TRMT61B: variants seen among roughly 807,000 people sequenced by gnomAD.
TRMT61B encodes tRNA (adenine(58)-N(1))-methyltransferase, mitochondrial.
Under a neutral mutation model 52.0 loss-of-function variants are expected in TRMT61B, and 56 were observed. That is an observed-to-expected ratio of 1.08 (90% CI 0.87 to 1.35). The LOEUF (loss-of-function observed/expected upper bound fraction) is 1.35. Among genes scored for constraint, TRMT61B ranks in the 40% most tolerant of loss-of-function variants. The pLI, the probability that TRMT61B is intolerant of heterozygous loss-of-function variation, is 0.00. For missense variants in TRMT61B, 650 were observed against 577.9 expected, an observed-to-expected ratio of 1.12 and a Z score of -1.28; for synonymous variants, 206 against 220.0, an observed-to-expected ratio of 0.94 and a Z score of 0.56.
At chr2:28,858,104 C>G (rs1013629683) in intron 3 of TRMT61B, among the ~76,000 whole-genome samples, 2 of 150,884 alleles carry the variant, frequency 1.3e-5, no homozygotes, top group Admixed American at 6.6e-5. Context: ...GCAGTGGCGC[C>G]ATCTCGGCTC....
At chr2:28,858,815 A>AAAAAG (rs1669465613) in intron 3 of TRMT61B, among the ~76,000 whole-genome samples, 2 of 150,442 alleles carry the variant, frequency 1.3e-5, no homozygotes, top group Non-Finnish European at 3.0e-5. Context: ...AAAAAAAAAA[A>AAAAAG]AAAAGAAAAG....
Position 28,850,035 on chromosome 2 carries a change from C to A in TRMT61B, c.*164G>T. On this transcript the variant is annotated 3_prime_UTR_variant, in exon 7 of 7. Coordinates refer to ENST00000306108, the MANE Select transcript of TRMT61B (RefSeq NM_017910.4). ...AAAATGGGATGTTTAAGCAGTTTTG[C>A]TATGTTATACATCTTTTAGTTGTTA... is the stretch of plus-strand genomic sequence containing the variant. 8.4e-7 allele frequency: 1 copy of A among 1,185,846 alleles called. No homozygotes were observed. The highest frequency in any genetic ancestry group is 2.4e-5 in the East Asian group (1 of 42,072). 73.5% of individuals were successfully genotyped at this position (1,185,846 alleles called of 1,614,324 possible). A position where few individuals can be genotyped will look rare whatever the true frequency, so the allele number is the denominator to read the frequency against.
At position 28,865,263 on chromosome 2, in the gene TRMT61B, TTGA is replaced by T. The variant is rs950063402; in HGVS notation, c.700-147_700-145del. 410 of 555,392 alleles carry T rather than the reference TTGA, an allele frequency of 7.4e-4. 2 individuals are homozygous for T. Among genetic ancestry groups the T allele is most frequent in the Non-Finnish European group, 1.2e-3 (369 of 310,510 alleles). 34.4% of individuals were successfully genotyped at this position (555,392 alleles called of 1,614,324 possible). The stretch of plus-strand genomic sequence containing the variant: ...GACCTGCCTTCAGTTTATATTTCAC[TTGA>T]TGAAATAAAAGAGATCCAAGAATCA... On this transcript the variant is annotated intron_variant, in intron 1 of 6. Transcript: ENST00000306108.
chr2:28,865,086 T>G lies in TRMT61B; in HGVS notation c.733A>C (p.Asn245His), dbSNP rs756353252. ...GCTTCCAAAACAGTATCACCTGGGTTGATATCCATCATTGAGAGAATCATA... is the reference window on the plus strand; with the variant it reads ...GCTTCCAAAACAGTATCACCTGGGTGGATATCCATCATTGAGAGAATCATA... ...INMILSMMDI[N>H]PGDTVLEAGS... The change falls in exon 2 of 7, where the codon AAC (asparagine) becomes CAC (histidine). Residue 245 changes from asparagine to histidine, a missense_variant. Physicochemically the swap from Asn to His is moderately conservative, Grantham distance 68 (BLOSUM62 1). Coordinates refer to ENST00000306108, the MANE Select transcript of TRMT61B (RefSeq NM_017910.4). 2 of 1,612,488 alleles carry G rather than the reference T, an allele frequency of 1.2e-6. No homozygotes were observed. The highest frequency in any genetic ancestry group is 1.7e-6 in the Non-Finnish European group (2 of 1,178,626).
Position 28,849,928 on chromosome 2 carries a change from G to C in TRMT61B, c.*271C>G. 1.3e-6 allele frequency: 2 copies of C among 1,590,452 alleles called. No homozygotes were observed. The highest frequency in any genetic ancestry group is 4.5e-5 in the East Asian group (2 of 44,504). The stretch of plus-strand genomic sequence containing the variant: ...GACAAATCTATGGAGTGGTTTACAG[G>C]AAGTGAAGAATGAGATGGCCCAACT... On this transcript the variant is annotated 3_prime_UTR_variant, in exon 7 of 7. Transcript: ENST00000306108.
intron 3 of TRMT61B, among the ~76,000 whole-genome samples, chr2:28,857,202 G>A (rs1408225349): frequency 1.3e-5 from 2 of 152,028 alleles, no homozygotes. Flanking sequence ...CCAAAGTGCT[G>A]GGATTACGGC....
Position 28,869,880 on chromosome 2 carries a change from T to G in TRMT61B, c.398A>C (p.Glu133Ala). 1 of 1,614,132 alleles carries G rather than the reference T, an allele frequency of 6.2e-7. No individual in the cohort carries two copies. The highest frequency in any genetic ancestry group is 1.1e-5 in the South Asian group (1 of 91,084). ...SMLSQAQSAT[E>A]VEERHVSPSC... ...AGGGGAGACGTGACGCTCTTCGACC[T>G]CGGTAGCGGACTGGGCCTGCGAGAG... is the stretch of plus-strand genomic sequence containing the variant. The change falls in exon 1 of 7, where the codon GAG (glutamate) becomes GCG (alanine). Residue 133 changes from glutamate (E) to alanine (A), a missense_variant. By Grantham distance (107) the Glu-to-Ala change is moderately radical (BLOSUM62 -1). Coordinates refer to ENST00000306108, the MANE Select transcript of TRMT61B (RefSeq NM_017910.4).
intron 1 of TRMT61B, among the ~76,000 whole-genome samples, chr2:28,866,070 A>G (rs139384900): frequency 0.014 from 2,067 of 151,464 alleles, 62 homozygotes; most frequent in African/African-American, 0.048. Flanking sequence ...GCTCACTGCA[A>G]GCTCCGCCTC....
chr2:28,864,821 T>C (rs994528146), intron 2 of TRMT61B, among the ~76,000 whole-genome samples, 196 bp downstream of exon 2: 5 of 151,690 alleles, frequency 3.3e-5, no homozygotes, highest in African/African-American at 9.7e-5. Flanking sequence ...GCAAAGAAAA[T>C]TGAGGGAGGA....
intron 2 of TRMT61B, 72 bp from the exon 3 acceptor site, chr2:28,861,380 C>G: frequency 8.1e-7 from 1 of 1,229,462 alleles, no homozygotes; most frequent in Non-Finnish European, 1.1e-6. Flanking sequence ...ATGTATTTTG[C>G]AAAGGTACTA....
Position 28,870,237 on chromosome 2 carries a change from A to AG in TRMT61B, c.40dup (p.Leu14ProfsTer32), listed in dbSNP as rs1265382732. The stretch of plus-strand genomic sequence containing the variant: ...TGAATTGGTTCCGAGCCCCTGCCGC[A>AG]GGCACAGCAAGACAGGACCGCGGCA... On this transcript the variant is annotated frameshift_variant, in exon 1 of 7. Transcript: ENST00000306108. LOFTEE classifies it high-confidence loss of function. 1.9e-6 allele frequency: 3 copies of AG among 1,608,618 alleles called. No individual in the cohort carries two copies. The African/African-American group carries it at 4.0e-5, about 21-fold the overall frequency.
At chr2:28,866,358 G>C (rs1348803587) in intron 1 of TRMT61B, among the ~76,000 whole-genome samples, 1 of 152,214 alleles carries the variant, frequency 6.6e-6, no homozygotes, top group African/African-American at 2.4e-5. Flanking sequence ...TTGGGCACTA[G>C]GGACCCGTTT....
Position 28,869,857 on chromosome 2 carries a change from G to C in TRMT61B, c.421C>G (p.Pro141Ala). Residue 141 changes from proline to alanine, a missense_variant, in exon 1 of 7, where the codon CCT becomes GCT. Pro to Ala is a conservative substitution (Grantham distance 27). Coordinates refer to ENST00000306108, the MANE Select transcript of TRMT61B (RefSeq NM_017910.4). ...ATEVEERHVS[P>A]SCSTSRERPF... Reference sequence around the variant, plus strand: ...CTCTCTCTGGAAGTTGAACAAGAAGGGGAGACGTGACGCTCTTCGACCTCG... The same window carrying C: ...CTCTCTCTGGAAGTTGAACAAGAAGCGGAGACGTGACGCTCTTCGACCTCG... The C allele has an allele frequency of 6.2e-7, 1 of 1,614,168 alleles. No individual in the cohort carries two copies. Among genetic ancestry groups the C allele is most frequent in the Non-Finnish European group, 8.5e-7 (1 of 1,180,020 alleles).
chr2:28,858,810 A>AG, intron 3 of TRMT61B, among the ~76,000 whole-genome samples: 1 of 151,158 alleles, frequency 6.6e-6, no homozygotes, highest in African/African-American at 2.4e-5. Context: ...AAAAAAAAAA[A>AG]AAAAAAAAAG....
Position 28,852,392 on chromosome 2 carries a change from CA to C in TRMT61B, c.1085+15del. The C allele has an allele frequency of 7.3e-7, 1 of 1,370,334 alleles. No individual in the cohort carries two copies. The highest frequency in any genetic ancestry group is 1.4e-5 in the South Asian group (1 of 72,886). 84.9% of individuals were successfully genotyped at this position (1,370,334 alleles called of 1,614,324 possible). A position where few individuals can be genotyped will look rare whatever the true frequency, so the allele number is the denominator to read the frequency against. The stretch of plus-strand genomic sequence containing the variant: ...TTAAAAGTTACATTACAAAGAAAAA[CA>C]GTTATATTACTCACTTTACTACATA... On this transcript the variant is annotated intron_variant, in intron 4 of 6. Coordinates refer to ENST00000306108, the MANE Select transcript of TRMT61B (RefSeq NM_017910.4).
Position 28,850,508 on chromosome 2 carries a change from CTTTA to C in TRMT61B, c.1313-107_1313-104del, listed in dbSNP as rs201489222. On this transcript the variant is annotated intron_variant, in intron 5 of 6. Transcript: ENST00000306108. ...TTACTCTCTTTATTGTAAGTTTTTT[CTTTA>C]TTTATTTCCTTGCATATGTTTTAGA... The C allele has an allele frequency of 1.2e-3, 893 of 755,960 alleles. 9 individuals carry two copies. In the African/African-American group the frequency reaches 0.013, roughly 11 times the overall value. 46.8% of individuals were successfully genotyped at this position (755,960 alleles called of 1,614,324 possible).
intron 2 of TRMT61B, chr2:28,862,023 G>A (rs978323937): frequency 2.6e-5 from 4 of 151,904 alleles, no homozygotes; most frequent in Non-Finnish European, 4.4e-5. Context: ...CTAACACGGT[G>A]AAACCCTGTC....
intron 1 of TRMT61B, among the ~76,000 whole-genome samples, chr2:28,865,390 A>G (rs10177006): frequency 0.41 from 62,869 of 152,062 alleles, 13,882 homozygotes; most frequent in Non-Finnish European, 0.51. Flanking sequence ...AGAGTAGACA[A>G]TTTATGGGAA....
At chr2:28,866,373 G>A (rs538437760) in intron 1 of TRMT61B, among the ~76,000 whole-genome samples, 1 of 152,214 alleles carries the variant, frequency 6.6e-6, no homozygotes, top group African/African-American at 2.4e-5. Context: ...CCGTTTCGTG[G>A]AAGACAGTTT....
Sources: allele counts gnomAD v4.1 joint callset (sites outside exome capture counted in the v4.1 genomes callset), GRCh38; gene constraint gnomAD v4.1.1; transcripts MANE v1.5; gene names NCBI Gene and HGNC (gene_info 2026-07-23, HGNC 2026-07-21).